The following PCDH15 variants were observed in gnomAD, a reference collection of about 807,000 sequenced individuals.
The protein encoded by PCDH15 is protocadherin related 15, also known as protocadherin-15.
In PCDH15, 129 loss-of-function variants were observed where a neutral mutation model predicts 178.5. The ratio of observed to expected loss-of-function variants is 0.72; its 90% confidence interval spans 0.63 to 0.84. PCDH15 has a LOEUF of 0.84. PCDH15 is among the 40% of genes least tolerant of loss of function. The probability of loss-of-function intolerance (pLI) is 0.00; values close to 1 mark genes in which losing one functional copy is unlikely to be tolerated. For synonymous variants in PCDH15, 800 were observed against 732.0 expected (o/e 1.09, Z -1.50); for missense variants, 2,230 against 2,099.9 (o/e 1.06, Z -1.21).
intron 2 of PCDH15, among the ~76,000 whole-genome samples, chr10:54,546,633 T>C (rs1167674941): frequency 1.3e-5 from 2 of 152,160 alleles, no homozygotes; most frequent in Non-Finnish European, 2.9e-5. Flanking sequence ...AGATTCTAAA[T>C]AGAATAATAA....
chr10:54,090,183 A>G, intron 15 of PCDH15, 120 bp from the exon 16 acceptor site: 1 of 792,928 alleles, frequency 1.3e-6, no homozygotes, highest in Non-Finnish European at 2.1e-6. Flanking sequence ...TAAAGAATAA[A>G]GATTAAAGCA....
intron 8 of PCDH15, among the ~76,000 whole-genome samples, chr10:54,251,927 T>G (rs1414208705): frequency 6.6e-6 from 1 of 152,270 alleles, no homozygotes; most frequent in East Asian, 1.9e-4. Flanking sequence ...AAAAATAATT[T>G]AATAGTGTTT....
intron 1 of PCDH15, among the ~76,000 whole-genome samples, chr10:54,770,540 T>G (rs1462490062): frequency 6.6e-6 from 1 of 152,048 alleles, no homozygotes; most frequent in Non-Finnish European, 1.5e-5. Context: ...ATACCTGAAA[T>G]GCAGGCTGTG....
At chr10:53,975,500 T>A (rs2090112416) in intron 21 of PCDH15, among the ~76,000 whole-genome samples, 1 of 152,176 alleles carries the variant, frequency 6.6e-6, no homozygotes, top group African/African-American at 2.4e-5. Context: ...GGTATTTTAC[T>A]GTGGTTTTGA....
chr10:54,900,748 G>A (rs1281364229), intron 2 of PCDH15, among the ~76,000 whole-genome samples: 1 of 152,162 alleles, frequency 6.6e-6, no homozygotes. Context: ...GGAGCATAGT[G>A]TGGAAATTAA....
chr10:53,944,343 A>C (rs2086344536), intron 23 of PCDH15, among the ~76,000 whole-genome samples: 1 of 152,162 alleles, frequency 6.6e-6, no homozygotes. Context: ...TAGTTCTACC[A>C]TTCTGAACCT....
At chr10:55,159,256 T>C (rs1214481801) in intron 2 of PCDH15, among the ~76,000 whole-genome samples, 1 of 151,774 alleles carries the variant, frequency 6.6e-6, no homozygotes, top group Admixed American at 6.6e-5. Context: ...TTTTGTCACA[T>C]CCTAGACTGA....
intron 2 of PCDH15, among the ~76,000 whole-genome samples, chr10:54,967,900 G>T (rs1481640827): frequency 6.6e-6 from 1 of 152,058 alleles, no homozygotes; most frequent in Non-Finnish European, 1.5e-5. Context: ...CACCTCACTG[G>T]CATCACCCTA....
chr10:54,821,228 G>C (rs1045606783), intron 3 of PCDH15, among the ~76,000 whole-genome samples: 11 of 152,076 alleles, frequency 7.2e-5, no homozygotes, highest in African/African-American at 2.6e-4. Flanking sequence ...ATGTTTGTGT[G>C]TATATTTACA....
chr10:55,515,892 A>G (rs1368888156), intron 2 of PCDH15, among the ~76,000 whole-genome samples: 2 of 152,156 alleles, frequency 1.3e-5, no homozygotes, highest in African/African-American at 2.4e-5. Flanking sequence ...AATTTTCAAA[A>G]ATATACCTTT....
chr10:54,176,793 G>C (rs2047482003), intron 13 of PCDH15, among the ~76,000 whole-genome samples: 1 of 152,094 alleles, frequency 6.6e-6, no homozygotes, highest in Admixed American at 6.6e-5. Flanking sequence ...CAGCACATAG[G>C]CATGGAAAAG....
At chr10:54,448,527 C>T (rs746236985) in intron 3 of PCDH15, among the ~76,000 whole-genome samples, 4 of 151,502 alleles carry the variant, frequency 2.6e-5, no homozygotes, top group Non-Finnish European at 5.9e-5. Context: ...TCCTAATGTA[C>T]ATCATTAAGA....
chr10:54,322,460 A>G (rs1429262380), intron 7 of PCDH15, among the ~76,000 whole-genome samples: 2 of 152,002 alleles, frequency 1.3e-5, no homozygotes, highest in African/African-American at 4.8e-5. Context: ...TATCTTTTAA[A>G]AAGTTAAACA....
intron 2 of PCDH15, among the ~76,000 whole-genome samples, chr10:55,134,408 A>C (rs987148137): frequency 3.3e-5 from 5 of 152,164 alleles, no homozygotes; most frequent in Admixed American, 3.3e-4. Flanking sequence ...CTCATAGTAT[A>C]ATATTGACTC....
intron 3 of PCDH15, among the ~76,000 whole-genome samples, chr10:54,391,669 G>C (rs983910301): frequency 6.6e-6 from 1 of 151,810 alleles, no homozygotes; most frequent in Non-Finnish European, 1.5e-5. Context: ...CCAGCTTGGA[G>C]AGAACCTATG....
intron 13 of PCDH15, among the ~76,000 whole-genome samples, chr10:54,165,063 T>A (rs1212090449): frequency 6.6e-6 from 1 of 152,218 alleles, no homozygotes; most frequent in Non-Finnish European, 1.5e-5. Context: ...GATTTCTTCA[T>A]GTGTCAATAA....
intron 1 of PCDH15, among the ~76,000 whole-genome samples, chr10:54,744,636 C>T (rs1390438276): frequency 6.6e-6 from 1 of 152,000 alleles, no homozygotes; most frequent in Non-Finnish European, 1.5e-5. Flanking sequence ...ACAAAGAAAA[C>T]TTATAGAATG....
intron 2 of PCDH15, among the ~76,000 whole-genome samples, chr10:55,164,699 G>A (rs17610099): frequency 0.11 from 16,617 of 151,998 alleles, 1,123 homozygotes; most frequent in Middle Eastern, 0.16. Context: ...GACAAAAATA[G>A]AAATCACAAA....
At chr10:54,064,645 G>A (rs2094102972) in intron 18 of PCDH15, among the ~76,000 whole-genome samples, 1 of 152,200 alleles carries the variant, frequency 6.6e-6, no homozygotes, top group African/African-American at 2.4e-5. Flanking sequence ...AAGTTCACAG[G>A]AGGCTGAGGT....
Sources: gnomAD v4.1 joint callset for allele counts (sites outside exome capture counted in the v4.1 genomes callset) on GRCh38, gnomAD v4.1.1 for gene constraint, MANE v1.5 for transcripts, NCBI Gene and HGNC (gene_info 2026-07-23, HGNC 2026-07-21) for gene names.